GSG1L2: variants seen among roughly 807,000 people sequenced by gnomAD.
GSG1L2 encodes germ cell-specific gene 1-like protein 2.
A neutral mutation model predicts 9.0 loss-of-function variants in GSG1L2; 15 were observed. The ratio of observed to expected loss-of-function variants is 1.67; its 90% CI spans 1.12 to 2.57. The LOEUF is 2.57. Ranked by LOEUF, GSG1L2 falls within the 30% of genes most tolerant of loss-of-function variation. The pLI is 0.00. For missense variants in GSG1L2, 286 were observed against 150.3 expected, an observed-to-expected ratio of 1.90 and a Z score of -4.72; for synonymous variants, 127 against 57.9, an observed-to-expected ratio of 2.19 and a Z score of -5.41.
chr17:9,806,843 A>C (rs1030484540), intron 4 of GSG1L2, among the ~76,000 whole-genome samples: 1 of 152,244 alleles, frequency 6.6e-6, no homozygotes, highest in Admixed American at 6.5e-5. Context: ...TTCAGACTCT[A>C]ACAACTCACG....
intron 4 of GSG1L2, among the ~76,000 whole-genome samples, chr17:9,803,100 C>CATTTTTTT (rs2066503551): frequency 1.1e-5 from 1 of 92,508 alleles, no homozygotes; most frequent in Admixed American, 1.2e-4. Flanking sequence ...GGTGTCATTA[C>CATTTTTTT]TTTTTTTTTT....
intron 1 of GSG1L2, among the ~76,000 whole-genome samples, chr17:9,819,544 G>A (rs1451153208): frequency 6.6e-6 from 1 of 152,188 alleles, no homozygotes; most frequent in Non-Finnish European, 1.5e-5. Context: ...GAAGAAAGGG[G>A]CAAGGGAGTG....
intron 1 of GSG1L2, among the ~76,000 whole-genome samples, chr17:9,816,574 C>CTG (rs1555566353): frequency 0.069 from 9,762 of 141,110 alleles, 1,145 homozygotes; most frequent in African/African-American, 0.24. Flanking sequence ...ATATCTGTGT[C>CTG]TGTGTGTGCA....
intron 1 of GSG1L2, among the ~76,000 whole-genome samples, chr17:9,811,859 G>A (rs994560639): frequency 6.6e-6 from 1 of 152,186 alleles, no homozygotes; most frequent in Non-Finnish European, 1.5e-5. Context: ...GGTGCCGGGG[G>A]TGCAAAGATG....
chr17:9,810,760 T>G (rs1264661111), intron 1 of GSG1L2, 142 bp from the exon 2 acceptor site: 2 of 642,008 alleles, frequency 3.1e-6, no homozygotes. Flanking sequence ...GCTGCTCCTC[T>G]GTGTGGGAGC....
At position 9,811,926 on chromosome 17, in the gene GSG1L2, G is replaced by T. The variant is rs147902969; in HGVS notation, c.311-1308C>A. Among the ~76,000 whole-genome samples the T allele has an allele frequency of 6.3e-3, 954 of 152,210 alleles. 67 individuals carry two copies. In the South Asian group the frequency reaches 0.14, roughly 23 times the overall value. On this transcript the variant is annotated intron_variant, in intron 1 of 4. Transcript: ENST00000399363. ...CCTGGTGGGAGCTGAAGCAGAGCAT[G>T]TTTTTTTCCCATTGACTCTTCAAAG...
At chr17:9,816,894 A>C (rs72479735) in intron 1 of GSG1L2, among the ~76,000 whole-genome samples, 75,033 of 133,600 alleles carry the variant, frequency 0.56, 20,539 homozygotes, top group East Asian at 0.99. Flanking sequence ...GTGTGTGTGT[A>C]TCTGTGTGTG....
rs2066534471 is a variant in GSG1L2 at position 9,810,375 on chromosome 17, T to C, written c.358+196A>G. 7 of 587,904 alleles carry C rather than the reference T, an allele frequency of 1.2e-5. No homozygotes were observed. The South Asian group carries it at 1.5e-4, about 12-fold the overall frequency. The allele number at this position is 587,904 out of a possible 1,614,324, so 36.4% of individuals were successfully genotyped here. A position where few individuals can be genotyped will look rare whatever the true frequency, so the allele number is the denominator to read the frequency against. ...AGGGCTTCCCATCCACCCTACAAAG[T>C]TGGCTGTTAAACATTTGCCAGCACA... is the stretch of plus-strand genomic sequence containing the variant. On this transcript the variant is annotated intron_variant, in intron 2 of 4. Transcript: ENST00000399363.
At chr17:9,816,912 G>GTA (rs2066569443) in intron 1 of GSG1L2, among the ~76,000 whole-genome samples, 1 of 41,386 alleles carries the variant, frequency 2.4e-5, no homozygotes, top group African/African-American at 9.5e-5. Flanking sequence ...GTGTGTATCT[G>GTA]TGTGTGTGTG....
Position 9,821,896 on chromosome 17 carries a change from T to C in GSG1L2, c.176A>G (p.Asn59Ser). Reference protein sequence around the residue: ...GQHCIHFKRDNSSNGRMDNNS... With the variant: ...GQHCIHFKRDSSSNGRMDNNS... Reference sequence around the variant, plus strand: ...GTTGTCCATCCTGCCATTGCTGCTGTTGTCCCGTTTGAAGTGAATGCAGTG... The same window carrying C: ...GTTGTCCATCCTGCCATTGCTGCTGCTGTCCCGTTTGAAGTGAATGCAGTG... The change falls in exon 1 of 5, where the codon AAC (asparagine) becomes AGC (serine). Residue 59 changes from asparagine (N) to serine (S), a missense_variant. Coordinates refer to ENST00000399363, the MANE Select transcript of GSG1L2 (RefSeq NM_001310219.2). 1 of 703,306 alleles carries C rather than the reference T, an allele frequency of 1.4e-6. No homozygotes were observed. Among genetic ancestry groups the C allele is most frequent in the South Asian group, 1.5e-5 (1 of 67,604 alleles). The allele number at this position is 703,306 out of a possible 1,614,324, so 43.6% of individuals were successfully genotyped here. A position where few individuals can be genotyped will look rare whatever the true frequency, so the allele number is the denominator to read the frequency against.
chr17:9,815,183 G>C (rs35047689), intron 1 of GSG1L2, among the ~76,000 whole-genome samples: 46,077 of 151,928 alleles, frequency 0.3, 7,178 homozygotes, highest in African/African-American at 0.38. Context: ...GTCAGGAGAT[G>C]GAGACCATAC....
At chr17:9,816,826 G>GTT (rs1567711486) in intron 1 of GSG1L2, among the ~76,000 whole-genome samples, 4 of 146,448 alleles carry the variant, frequency 2.7e-5, no homozygotes, top group East Asian at 2.0e-4. Context: ...ATCTGTGTGT[G>GTT]TCTGTGTATC....
chr17:9,803,350 G>A (rs942976964), intron 4 of GSG1L2, among the ~76,000 whole-genome samples: 1 of 152,108 alleles, frequency 6.6e-6, no homozygotes, highest in Non-Finnish European at 1.5e-5. Context: ...TGATCCGCCC[G>A]CCTTGGCCTC....
rs538417941 is a variant in GSG1L2, at chr17:9,810,784, C to A, written c.311-166G>T. ...CTGTGTGGGAGCCTGATATAATCCA[C>A]CCTATTGGACTCTGGCTTGGCCACG... On this transcript the variant is annotated intron_variant, in intron 1 of 4. Transcript: ENST00000399363. 1.5e-5 allele frequency: 9 copies of A among 608,684 alleles called. No homozygotes were observed. The East Asian group carries it at 1.7e-4, about 11-fold the overall frequency. The allele number at this position is 608,684 out of a possible 1,614,324, so 37.7% of individuals were successfully genotyped here.
Position 9,802,124 on chromosome 17 carries a change from A to G in GSG1L2, c.*262T>C, listed in dbSNP as rs970960718. Reference sequence around the variant, plus strand: ...TGGTATCCTTATCAAATTCACTGTCATTAAGAAGCTCTCTTTTATACTAGA... The same window carrying G: ...TGGTATCCTTATCAAATTCACTGTCGTTAAGAAGCTCTCTTTTATACTAGA... On this transcript the variant is annotated 3_prime_UTR_variant, in exon 5 of 5. Coordinates refer to ENST00000399363, the MANE Select transcript of GSG1L2 (RefSeq NM_001310219.2). Among the ~76,000 whole-genome samples, 2 of 152,218 alleles carry G rather than the reference A, an allele frequency of 1.3e-5. No homozygotes were observed. The highest frequency in any genetic ancestry group is 4.8e-5 in the African/African-American group (2 of 41,452).
At chr17:9,809,056 T>G (rs2066527843) in intron 2 of GSG1L2, 74 bp from the exon 3 acceptor site, 4 of 679,778 alleles carry the variant, frequency 5.9e-6, no homozygotes, top group African/African-American at 3.5e-5. Context: ...ATCCTTTGAT[T>G]TAGTTCACTT....
chr17:9,808,860 C>T lies in GSG1L2; in HGVS notation c.481G>A (p.Ala161Thr), dbSNP rs534302891. The T allele has an allele frequency of 1.1e-4, 75 of 702,968 alleles. No individual in the cohort carries two copies. In the African/African-American group the frequency reaches 1.2e-3, roughly 11 times the overall value. 43.5% of individuals were successfully genotyped at this position (702,968 alleles called of 1,614,324 possible). ...AGCACCATGAAGATGGCTACCAAGG[C>T]ATCCACCCTGAGCCAGTGGAACCCA... ...SPGFHWLRVD[A>T]LVAIFMVLAG... Residue 161 changes from alanine (A) to threonine (T), a missense_variant, in exon 3 of 5, where the codon GCC becomes ACC. Physicochemically the swap from Ala to Thr is moderately conservative, Grantham distance 58. Transcript: ENST00000399363.
intron 3 of GSG1L2, 39 bp downstream of exon 3, chr17:9,808,791 T>C: frequency 1.4e-6 from 1 of 701,124 alleles, no homozygotes; most frequent in South Asian, 1.5e-5. Context: ...CTGCTTTCCC[T>C]CTGGGGCAGC....
chr17:9,816,350 G>T (rs1385393840), intron 1 of GSG1L2, among the ~76,000 whole-genome samples: 1 of 150,378 alleles, frequency 6.6e-6, no homozygotes, highest in African/African-American at 2.5e-5. Flanking sequence ...AAATGTGCAC[G>T]TGCACGCGTA....
Sources: allele counts gnomAD v4.1 joint callset (sites outside exome capture counted in the v4.1 genomes callset), GRCh38; gene constraint gnomAD v4.1.1; transcripts MANE v1.5; gene names NCBI Gene and HGNC (gene_info 2026-07-23, HGNC 2026-07-21).